Variants in SLC25A26 observed in about 807,000 individuals in gnomAD.
The protein encoded by SLC25A26 is solute carrier family 25 member 26.
SLC25A26 carries 36 observed loss-of-function variants against 37.8 expected under a neutral mutation model. That is an observed-to-expected ratio of 0.95 (90% CI 0.73 to 1.26). The LOEUF (loss-of-function observed/expected upper bound fraction) is 1.26. SLC25A26 is among the 50% of genes most tolerant of loss of function. The pLI, the probability that SLC25A26 is intolerant of heterozygous loss-of-function variation, is 0.00. For missense variants in SLC25A26, 390 were observed against 331.1 expected, an observed-to-expected ratio of 1.18 and a Z score of -1.38; for synonymous variants, 129 against 122.5, an observed-to-expected ratio of 1.05 and a Z score of -0.35.
chr3:66,208,730 A>G (rs2071216496), intron 1 of SLC25A26, among the ~76,000 whole-genome samples: 1 of 146,666 alleles, frequency 6.8e-6, no homozygotes, highest in Non-Finnish European at 1.5e-5. Context: ...ATATATATAT[A>G]CACATTTATA....
chr3:66,160,733 G>A (rs1259638687), intron 1 of SLC25A26, among the ~76,000 whole-genome samples: 1 of 152,084 alleles, frequency 6.6e-6, no homozygotes, highest in Non-Finnish European at 1.5e-5. Context: ...TCAGGGGTTC[G>A]AGACCAGCCT....
chr3:66,236,000 C>G (rs946481579), intron 1 of SLC25A26, among the ~76,000 whole-genome samples: 13 of 152,206 alleles, frequency 8.5e-5, no homozygotes, highest in Non-Finnish European at 1.6e-4. Flanking sequence ...AACCCTTGAA[C>G]TCCTAGGCTC....
At chr3:66,230,011 C>G (rs2071936680) in intron 1 of SLC25A26, among the ~76,000 whole-genome samples, 1 of 152,212 alleles carries the variant, frequency 6.6e-6, no homozygotes, top group African/African-American at 2.4e-5. Context: ...CTGACCCTGA[C>G]TTTTGATTGT....
chr3:66,332,897 A>G (rs190972959), intron 5 of SLC25A26, among the ~76,000 whole-genome samples: 60 of 152,166 alleles, frequency 3.9e-4, no homozygotes, highest in Non-Finnish European at 6.9e-4. Context: ...GTGTTTTTCT[A>G]TATGACATAT....
intron 5 of SLC25A26, among the ~76,000 whole-genome samples, chr3:66,292,733 C>G (rs1304682226): frequency 6.6e-6 from 1 of 152,096 alleles, no homozygotes; most frequent in Non-Finnish European, 1.5e-5. Context: ...ACATTTTTTC[C>G]TTCATTTCAA....
At position 66,211,703 on chromosome 3, in the gene SLC25A26, G is replaced by C. The variant is rs1426035011; in HGVS notation, c.-353-9039G>C. Among the ~76,000 whole-genome samples, 3 of 152,278 alleles carry C rather than the reference G, an allele frequency of 2.0e-5. No homozygotes were observed. In the East Asian group the frequency reaches 5.8e-4, roughly 29 times the overall value. On this transcript the variant is annotated intron_variant, in intron 1 of 10. Transcript: ENST00000676754. ...ACATTGCATATGTCAGCTTTTCTGT[G>C]AGACTGAGAAATTTCACAAATGTTT... is the stretch of plus-strand genomic sequence containing the variant.
chr3:66,218,974 T>C (rs1233294833), upstream of SLC25A26, among the ~76,000 whole-genome samples: 1 of 152,264 alleles, frequency 6.6e-6, no homozygotes, highest in Non-Finnish European at 1.5e-5. Flanking sequence ...TCTTGACGTA[T>C]GAAAACTGTG....
intron 6 of SLC25A26, among the ~76,000 whole-genome samples, chr3:66,356,659 T>G (rs1194400513): frequency 6.6e-6 from 1 of 152,144 alleles, no homozygotes; most frequent in Non-Finnish European, 1.5e-5. Flanking sequence ...GATAGGGTCT[T>G]GCTCTGTCAC....
At chr3:66,205,083 T>C (rs1302442991) in intron 1 of SLC25A26, among the ~76,000 whole-genome samples, 2 of 152,236 alleles carry the variant, frequency 1.3e-5, no homozygotes, top group African/African-American at 4.8e-5. Context: ...AAAGATTAAG[T>C]TGTGCAACAC....
chr3:66,176,558 A>G (rs1194353259), intron 1 of SLC25A26, among the ~76,000 whole-genome samples: 1 of 152,228 alleles, frequency 6.6e-6, no homozygotes, highest in African/African-American at 2.4e-5. Flanking sequence ...ATTTGCAGTT[A>G]CAGGATATTA....
chr3:66,315,720 T>A (rs2075519900), intron 5 of SLC25A26, among the ~76,000 whole-genome samples: 1 of 152,188 alleles, frequency 6.6e-6, no homozygotes, highest in Admixed American at 6.5e-5. Context: ...GGTATTAAAG[T>A]CTCCCACTAT....
At chr3:66,368,022 G>A (rs534733604) in intron 7 of SLC25A26, among the ~76,000 whole-genome samples, 3 of 152,152 alleles carry the variant, frequency 2.0e-5, no homozygotes, top group Non-Finnish European at 4.4e-5. Context: ...GACCATGAGG[G>A]CATAAATAGG....
At chr3:66,256,288 G>GT (rs1326192067) in intron 3 of SLC25A26, among the ~76,000 whole-genome samples, 1 of 152,062 alleles carries the variant, frequency 6.6e-6, no homozygotes, top group Non-Finnish European at 1.5e-5. Context: ...TGTTTAATCT[G>GT]TTTTTGTGGA....
intron 5 of SLC25A26, among the ~76,000 whole-genome samples, chr3:66,318,500 T>C (rs921350074): frequency 1.3e-5 from 2 of 152,046 alleles, no homozygotes. Flanking sequence ...CCATGGGTCA[T>C]GCCAACTGCC....
At chr3:66,255,755 C>A (rs782518679) in intron 3 of SLC25A26, among the ~76,000 whole-genome samples, 15 of 152,082 alleles carry the variant, frequency 9.9e-5, no homozygotes, top group Non-Finnish European at 2.2e-4. Flanking sequence ...TTTGTTGTAG[C>A]TCAAATTCAA....
intron 1 of SLC25A26, among the ~76,000 whole-genome samples, chr3:66,211,513 G>C (rs2071283390): frequency 6.6e-6 from 1 of 152,136 alleles, no homozygotes; most frequent in East Asian, 1.9e-4. Context: ...AATATAGCTT[G>C]CACTTATTGC....
At chr3:66,317,799 C>G (rs1559693088) in intron 5 of SLC25A26, among the ~76,000 whole-genome samples, 1 of 152,290 alleles carries the variant, frequency 6.6e-6, no homozygotes, top group East Asian at 1.9e-4. Flanking sequence ...TCCATAAACC[C>G]CTGGCTGGGG....
chr3:66,204,974 G>C (rs2106820446), intron 1 of SLC25A26, among the ~76,000 whole-genome samples: 1 of 152,286 alleles, frequency 6.6e-6, no homozygotes, highest in East Asian at 1.9e-4. Context: ...ATGGAAACGT[G>C]AATCTCGGAA....
chr3:66,334,068 G>C (rs191629294), intron 5 of SLC25A26, among the ~76,000 whole-genome samples: 1 of 152,134 alleles, frequency 6.6e-6, no homozygotes, highest in East Asian at 1.9e-4. Context: ...TGGATCTTTT[G>C]TCTAGACTTA....
Sources: gnomAD v4.1 joint callset for allele counts (sites outside exome capture counted in the v4.1 genomes callset) on GRCh38, gnomAD v4.1.1 for gene constraint, MANE v1.5 for transcripts, NCBI Gene and HGNC (gene_info 2026-07-23, HGNC 2026-07-21) for gene names.